Variants in REL observed in about 807,000 individuals in gnomAD.
REL encodes the protein proto-oncogene c-Rel.
REL carries 15 observed loss-of-function variants against 45.9 expected under a neutral mutation model. The ratio of observed to expected loss-of-function variants is 0.33; its 90% CI spans 0.22 to 0.50. The LOEUF (loss-of-function observed/expected upper bound fraction) is 0.50, where lower values mean the gene tolerates loss of function less well. Among genes scored for constraint, REL ranks in the 20% least tolerant of loss-of-function variants. The pLI, the probability that REL is intolerant of heterozygous loss-of-function variation, is 0.98. For synonymous variants in REL, 239 were observed against 242.1 expected (o/e 0.99, Z 0.12); for missense variants, 601 against 715.2 (o/e 0.84, Z 1.82).
In REL at chr2:60,922,349, A is replaced by T. The variant is rs148334713; in HGVS notation, c.1578A>T (p.Gln526His). Residue 526 changes from glutamine (Q) to histidine (H), a missense_variant, in exon 10 of 10, where the codon CAA (glutamine) becomes CAT (histidine). By Grantham distance (24) the Gln-to-His change is conservative (BLOSUM62 0). Coordinates refer to ENST00000394479, the MANE Select transcript of REL (RefSeq NM_001291746.2). Reference protein sequence around the residue: ...ANSNTTVFVSQSDAFEGSDFS... With the variant: ...ANSNTTVFVSHSDAFEGSDFS... ...CCAATACTACTGTTTTTGTTTCACA[A>T]TCAGATGCATTTGAGGGATCTGACT... The T allele has an allele frequency of 1.2e-6, 2 of 1,614,012 alleles. No individual in the cohort carries two copies. Among genetic ancestry groups the T allele is most frequent in the African/African-American group, 2.7e-5 (2 of 74,916 alleles).
chr2:60,890,467 C>A (rs1226344049), intron 1 of REL, among the ~76,000 whole-genome samples: 1 of 152,122 alleles, frequency 6.6e-6, no homozygotes, highest in Non-Finnish European at 1.5e-5. Flanking sequence ...CACTGTGTTA[C>A]CATTTCTCAG....
intron 4 of REL, among the ~76,000 whole-genome samples, chr2:60,914,908 A>G (rs1307331584): frequency 6.8e-6 from 1 of 145,994 alleles, no homozygotes; most frequent in Admixed American, 7.2e-5. Context: ...ATTTCGGCTC[A>G]CTGCAAGCTC....
rs763552533 is a variant in REL, at chr2:60,922,069, A to G, written c.1298A>G (p.Asn433Ser). The G allele has an allele frequency of 2.3e-5, 37 of 1,614,084 alleles. No individual in the cohort carries two copies. The highest frequency in any genetic ancestry group is 1.5e-4 in the African/African-American group (11 of 74,938). The change falls in exon 10 of 10, where the codon AAT becomes AGT. Residue 433 changes from asparagine (N) to serine (S), a missense_variant. Transcript: ENST00000394479. ...LNASNACIYN[N>S]ADDIVGMEAS... The stretch of plus-strand genomic sequence containing the variant: ...GCTTCTAATGCTTGCATTTACAACA[A>G]TGCCGATGACATAGTCGGAATGGAA...
intron 4 of REL, among the ~76,000 whole-genome samples, chr2:60,903,029 G>A (rs1421249937): frequency 1.3e-5 from 2 of 152,210 alleles, no homozygotes; most frequent in Non-Finnish European, 2.9e-5. Flanking sequence ...TCAAGAGTAT[G>A]CTCATTTAAA....
In REL at chr2:60,924,200, C is replaced by A. The variant is rs1161147317; in HGVS notation, c.*1665C>A. Reference sequence around the variant, plus strand: ...ATATACATCAGCATTCCCTTTCCCCCCTGCTTTATGTATGTCCATAGCACT... The same window carrying A: ...ATATACATCAGCATTCCCTTTCCCCACTGCTTTATGTATGTCCATAGCACT... On this transcript the variant is annotated 3_prime_UTR_variant, in exon 10 of 10. Coordinates refer to ENST00000394479, the MANE Select transcript of REL (RefSeq NM_001291746.2). 1 of 229,556 alleles carries A rather than the reference C, an allele frequency of 4.4e-6. No homozygotes were observed. The highest frequency in any genetic ancestry group is 5.7e-5 in the Admixed American group (1 of 17,648). The allele number at this position is 229,556 out of a possible 1,614,324, so 14.2% of individuals were successfully genotyped here.
At position 60,901,045 on chromosome 2, in the gene REL, T is replaced by G. The variant is rs1450316555; in HGVS notation, c.356T>G (p.Ile119Ser). ...AAGAAAAAAGAAGTAAAAGAAGCTA[T>G]TATTACAAGAATAAAGGCAGGAATC... Reference protein sequence around the residue: ...CVKKKEVKEAIITRIKAGINP... With the variant: ...CVKKKEVKEASITRIKAGINP... Residue 119 changes from isoleucine to serine, a missense_variant, in exon 4 of 10, where the codon ATT (isoleucine) becomes AGT (serine). Transcript: ENST00000394479. 6.2e-7 allele frequency: 1 copy of G among 1,610,092 alleles called. No homozygotes were observed. Among genetic ancestry groups the G allele is most frequent in the East Asian group, 2.2e-5 (1 of 44,558 alleles).
intron 4 of REL, among the ~76,000 whole-genome samples, chr2:60,914,898 A>G (rs1360086815): frequency 3.3e-5 from 5 of 150,974 alleles, no homozygotes; most frequent in Non-Finnish European, 7.4e-5. Flanking sequence ...CAGTGGCACA[A>G]TTTCGGCTCA....
rs1364932335 is a variant in REL, at chr2:60,928,185, A to G, written c.*5650A>G. ...AAAAAAAAAAAAGAGGATACAACCA[A>G]ATGGAAGAACATTCCATGCTCATGG... On this transcript the variant is annotated 3_prime_UTR_variant, in exon 10 of 10. Transcript: ENST00000394479. 4 of 173,968 alleles carry G rather than the reference A, an allele frequency of 2.3e-5. No individual in the cohort carries two copies. Among genetic ancestry groups the G allele is most frequent in the African/African-American group, 9.5e-5 (4 of 42,068 alleles). 10.8% of individuals were successfully genotyped at this position (173,968 alleles called of 1,614,324 possible). A position where few individuals can be genotyped will look rare whatever the true frequency, so the allele number is the denominator to read the frequency against.
In REL at chr2:60,927,206, A is replaced by G. The variant is rs1303283575; in HGVS notation, c.*4671A>G. 1 of 226,648 alleles carries G rather than the reference A, an allele frequency of 4.4e-6. No homozygotes were observed. Among genetic ancestry groups the G allele is most frequent in the Non-Finnish European group, 8.8e-6 (1 of 114,060 alleles). 14.0% of individuals were successfully genotyped at this position (226,648 alleles called of 1,614,324 possible). A position where few individuals can be genotyped will look rare whatever the true frequency, so the allele number is the denominator to read the frequency against. ...AGTTGGTGCTGAATAAATAGTAGCT[A>G]TTATTAGAAAAGGAAGGGTGAAATT... On this transcript the variant is annotated 3_prime_UTR_variant, in exon 10 of 10. Transcript: ENST00000394479.
intron 4 of REL, among the ~76,000 whole-genome samples, chr2:60,903,788 C>T (rs1673562255): frequency 6.6e-6 from 1 of 152,174 alleles, no homozygotes; most frequent in Non-Finnish European, 1.5e-5. Context: ...GCCTCAGCCT[C>T]CCAAAGTGTT....
chr2:60,881,958 T>A (rs1672950956), intron 1 of REL, 108 bp downstream of exon 1: 1 of 682,376 alleles, frequency 1.5e-6, no homozygotes, highest in African/African-American at 1.9e-5. Context: ...GCGCGTTCTG[T>A]CTTTAAAATC....
chr2:60,891,670 A>G lies in REL; in HGVS notation c.11-13A>G, dbSNP rs774119405. 1.9e-6 allele frequency: 3 copies of G among 1,586,614 alleles called. No homozygotes were observed. Among genetic ancestry groups the G allele is most frequent in the East Asian group, 4.6e-5 (2 of 43,900 alleles). On this transcript the variant is annotated splice_polypyrimidine_tract_variant and intron_variant, in intron 1 of 9. Coordinates refer to ENST00000394479, the MANE Select transcript of REL (RefSeq NM_001291746.2). ...TAATCTCACTGACCTCCTCCTTTTT[A>G]AAAACTTTTCAGGTGCGTATAACCC...
intron 8 of REL, 35 bp downstream of exon 8, chr2:60,920,144 GGTTTT>G (rs757793483): frequency 7.1e-7 from 1 of 1,406,872 alleles, no homozygotes; most frequent in Non-Finnish European, 9.9e-7. Context: ...TATTTAAATA[GGTTTT>G]GTTTTATTTA....
chr2:60,894,157 C>T (rs914248378), intron 2 of REL, among the ~76,000 whole-genome samples: 4 of 152,052 alleles, frequency 2.6e-5, no homozygotes, highest in Non-Finnish European at 5.9e-5. Flanking sequence ...AAAATAAGCC[C>T]AGTCAAATGA....
intron 4 of REL, among the ~76,000 whole-genome samples, chr2:60,906,941 CAG>C (rs1225864799): frequency 1.5e-5 from 2 of 130,430 alleles, no homozygotes; most frequent in African/African-American, 5.8e-5. Flanking sequence ...TTTTCCGAGA[CAG>C]AGTTTCGCTC....
intron 4 of REL, among the ~76,000 whole-genome samples, chr2:60,904,091 T>C (rs1328821541): frequency 6.6e-6 from 1 of 151,806 alleles, no homozygotes; most frequent in Non-Finnish European, 1.5e-5. Context: ...GTACTATTAA[T>C]AACTCAATTT....
At chr2:60,883,331 G>T (rs1672995153) in intron 1 of REL, among the ~76,000 whole-genome samples, 1 of 152,124 alleles carries the variant, frequency 6.6e-6, no homozygotes, top group African/African-American at 2.4e-5. Flanking sequence ...AGGAAATTGG[G>T]GTGTTTCACA....
At chr2:60,890,135 G>A (rs1035187772) in intron 1 of REL, among the ~76,000 whole-genome samples, 3 of 152,098 alleles carry the variant, frequency 2.0e-5, no homozygotes, top group Admixed American at 6.6e-5. Context: ...TTTAATGATC[G>A]CCATTCTAAC....
At chr2:60,913,172 T>G (rs1315837820) in intron 4 of REL, among the ~76,000 whole-genome samples, 2 of 152,196 alleles carry the variant, frequency 1.3e-5, no homozygotes, top group African/African-American at 4.8e-5. Context: ...TCAATCTTAA[T>G]TCCTTGAATA....
Sources: allele counts gnomAD v4.1 joint callset (sites outside exome capture counted in the v4.1 genomes callset), GRCh38; gene constraint gnomAD v4.1.1; transcripts MANE v1.5; gene names NCBI Gene and HGNC (gene_info 2026-07-23, HGNC 2026-07-21).